RAPGEF2: variants seen among roughly 807,000 people sequenced by gnomAD.
RAPGEF2 encodes the protein Rap guanine nucleotide exchange factor 2, also known as PDZ domain containing guanine nucleotide exchange factor (GEF) 1.
Under a neutral mutation model 186.7 loss-of-function variants are expected in RAPGEF2, and 54 were observed. The ratio of observed to expected loss-of-function variants is 0.29; its 90% confidence interval spans 0.23 to 0.36. The LOEUF is 0.36. RAPGEF2 is among the 10% of genes least tolerant of loss of function. RAPGEF2 has a pLI of 1.00. For missense variants in RAPGEF2, 1,532 were observed against 2,045.0 expected (o/e 0.75, Z 4.84); for synonymous variants, 712 against 705.9 (o/e 1.01, Z -0.14).
chr4:159,179,126 A>G (rs1299334022), intron 1 of RAPGEF2, among the ~76,000 whole-genome samples: 1 of 152,230 alleles, frequency 6.6e-6, no homozygotes, highest in African/African-American at 2.4e-5. Context: ...ATTGTTCTAA[A>G]AAATGCTGCT....
intron 2 of RAPGEF2, among the ~76,000 whole-genome samples, chr4:159,188,266 A>T (rs765408080): frequency 6.6e-6 from 1 of 152,228 alleles, no homozygotes; most frequent in Non-Finnish European, 1.5e-5. Flanking sequence ...CCACACATGT[A>T]ATATTTAGAT....
intron 7 of RAPGEF2, among the ~76,000 whole-genome samples, chr4:159,245,442 ATAAGGT>A (rs1290563916): frequency 2.0e-5 from 3 of 152,036 alleles, no homozygotes; most frequent in Non-Finnish European, 4.4e-5. Flanking sequence ...GAGACAGGTA[ATAAGGT>A]TCCTGGCAGA....
At chr4:159,138,734 G>A (rs1742001717) in intron 1 of RAPGEF2, among the ~76,000 whole-genome samples, 1 of 152,130 alleles carries the variant, frequency 6.6e-6, no homozygotes, top group Non-Finnish European at 1.5e-5. Flanking sequence ...AAAGAATTAG[G>A]AAATGTGTAA....
intron 1 of RAPGEF2, among the ~76,000 whole-genome samples, chr4:159,178,806 G>T (rs944534704): frequency 6.6e-6 from 1 of 151,916 alleles, no homozygotes; most frequent in Non-Finnish European, 1.5e-5. Flanking sequence ...CAATTCACCC[G>T]CCTCGGCTTC....
intron 4 of RAPGEF2, among the ~76,000 whole-genome samples, chr4:159,235,577 T>A (rs1753166228): frequency 6.6e-6 from 1 of 152,204 alleles, no homozygotes; most frequent in South Asian, 2.1e-4. Flanking sequence ...TTTGCACCAT[T>A]TTTTTCCACT....
intron 1 of RAPGEF2, among the ~76,000 whole-genome samples, chr4:159,163,301 C>T (rs1170901439): frequency 6.6e-6 from 1 of 152,130 alleles, no homozygotes; most frequent in Admixed American, 6.5e-5. Context: ...CAATAATATC[C>T]TGTTAGTGCC....
intron 11 of RAPGEF2, 59 bp downstream of exon 11, chr4:159,323,676 C>A: frequency 3.9e-6 from 4 of 1,016,244 alleles, no homozygotes; most frequent in Non-Finnish European, 5.2e-6. Flanking sequence ...ACTTATATGC[C>A]ATTGTGATGA....
At chr4:159,276,954 A>G (rs1758966697) in intron 7 of RAPGEF2, among the ~76,000 whole-genome samples, 2 of 152,174 alleles carry the variant, frequency 1.3e-5, no homozygotes, top group African/African-American at 4.8e-5. Flanking sequence ...TTTAAGTTGT[A>G]GTGTACATGT....
At position 159,241,446 on chromosome 4, in the gene RAPGEF2, C is replaced by A. The variant is rs141271543; in HGVS notation, c.525+78C>A. 1.7e-3 allele frequency: 1,480 copies of A among 885,086 alleles called. 1 individual carries two copies. The highest frequency in any genetic ancestry group is 2.1e-3 in the Non-Finnish European group (1,396 of 668,806). The allele number at this position is 885,086 out of a possible 1,614,324, so 54.8% of individuals were successfully genotyped here. A position where few individuals can be genotyped will look rare whatever the true frequency, so the allele number is the denominator to read the frequency against. On this transcript the variant is annotated intron_variant, in intron 6 of 29. Transcript: ENST00000691494. ...TTTGTGAAAAGATGTTTAAGTTTTC[C>A]ATTTTTGACAAATCTTTTCAATTAT...
intron 7 of RAPGEF2, among the ~76,000 whole-genome samples, chr4:159,254,072 T>G (rs1755833103): frequency 6.6e-6 from 1 of 152,250 alleles, no homozygotes; most frequent in African/African-American, 2.4e-5. Context: ...ACTTCTCGCT[T>G]CATCATACAG....
chr4:159,186,740 A>G, intron 2 of RAPGEF2, 28 bp downstream of exon 2: 2 of 1,261,510 alleles, frequency 1.6e-6, no homozygotes, highest in Non-Finnish European at 2.2e-6. Context: ...TCAGTTAATC[A>G]TAGAATGGTA....
chr4:159,295,754 T>TGTGTGCGC lies in RAPGEF2; in HGVS notation c.544-8587_544-8586insTGTGCGCG, dbSNP rs1386754001. Among the ~76,000 whole-genome samples the TGTGTGCGC allele has an allele frequency of 1.9e-3, 222 of 113,978 alleles. 4 individuals are homozygous for TGTGTGCGC. Among genetic ancestry groups the TGTGTGCGC allele is most frequent in the Non-Finnish European group, 3.5e-3 (181 of 51,366 alleles). The allele number at this position is 113,978 out of a possible 152,430, so 74.8% of individuals were successfully genotyped here. Reference sequence around the variant, plus strand: ...GTGTGTGTGTGTGTGTGTGTGTGTGTGCGCGCGCGCGCGCGCGCGCATGCA... The same window carrying TGTGTGCGC: ...GTGTGTGTGTGTGTGTGTGTGTGTGTGTGTGCGCGCGCGCGCGCGCGCGCGCGCATGCA... On this transcript the variant is annotated intron_variant, in intron 7 of 29. Coordinates refer to ENST00000691494, the MANE Select transcript of RAPGEF2 (RefSeq NM_001394067.2).
chr4:159,175,279 G>A (rs956624743), intron 1 of RAPGEF2, among the ~76,000 whole-genome samples: 3 of 147,850 alleles, frequency 2.0e-5, no homozygotes, highest in Admixed American at 6.9e-5. Flanking sequence ...AGTAATTATT[G>A]TAACTCTAAA....
chr4:159,241,410 T>C (rs1051739087), intron 6 of RAPGEF2, 42 bp downstream of exon 6: 7 of 1,231,760 alleles, frequency 5.7e-6, no homozygotes, highest in Non-Finnish European at 7.2e-6. Context: ...TTTCTAGTTT[T>C]TTGTTGGGGT....
At chr4:159,114,091 C>T (rs941080013) in intron 1 of RAPGEF2, among the ~76,000 whole-genome samples, 12 of 151,134 alleles carry the variant, frequency 7.9e-5, no homozygotes, top group African/African-American at 2.4e-4. Flanking sequence ...TAGCTGGGAC[C>T]GCAGGCATGC....
At chr4:159,135,460 T>C (rs760708716) in intron 1 of RAPGEF2, among the ~76,000 whole-genome samples, 2 of 152,258 alleles carry the variant, frequency 1.3e-5, no homozygotes, top group African/African-American at 2.4e-5. Context: ...TTGGCTCTTA[T>C]GAATGATGCT....
chr4:159,284,871 G>A (rs1006289195), intron 7 of RAPGEF2, among the ~76,000 whole-genome samples: 4 of 152,100 alleles, frequency 2.6e-5, no homozygotes, highest in Non-Finnish European at 5.9e-5. Flanking sequence ...GGGCAACATA[G>A]GGAGACTTTG....
chr4:159,175,952 G>C (rs909490677), intron 1 of RAPGEF2, among the ~76,000 whole-genome samples: 1 of 152,196 alleles, frequency 6.6e-6, no homozygotes, highest in Non-Finnish European at 1.5e-5. Flanking sequence ...GAGAAGACGA[G>C]TGTCTTTGTT....
chr4:159,337,738 A>G (rs1346277127), intron 17 of RAPGEF2, among the ~76,000 whole-genome samples: 1 of 151,168 alleles, frequency 6.6e-6, no homozygotes, highest in Non-Finnish European at 1.5e-5. Context: ...AAATACAAAA[A>G]AATTAGCCGG....
Sources: gnomAD v4.1 joint callset for allele counts (sites outside exome capture counted in the v4.1 genomes callset) on GRCh38, gnomAD v4.1.1 for gene constraint, MANE v1.5 for transcripts, NCBI Gene and HGNC (gene_info 2026-07-23, HGNC 2026-07-21) for gene names.